Variants in PDGFRL observed in about 807,000 individuals in gnomAD.
The protein encoded by PDGFRL is platelet derived growth factor receptor like.
Under a neutral mutation model 37.2 loss-of-function variants are expected in PDGFRL, and 46 were observed. The ratio of observed to expected loss-of-function variants is 1.24; its 90% CI spans 0.98 to 1.58. The LOEUF is 1.58. PDGFRL is among the 40% of genes most tolerant of loss of function. The pLI, the probability that PDGFRL is intolerant of heterozygous loss-of-function variation, is 0.00. For synonymous variants in PDGFRL, 251 were observed against 184.3 expected (o/e 1.36, Z -2.93); for missense variants, 692 against 467.6 (o/e 1.48, Z -4.43).
At chr8:17,600,043 G>C (rs1488360966) in intron 2 of PDGFRL, among the ~76,000 whole-genome samples, 1 of 152,154 alleles carries the variant, frequency 6.6e-6, no homozygotes, top group Non-Finnish European at 1.5e-5. Flanking sequence ...GCACCCTGCA[G>C]CCATCTTCCT....
chr8:17,629,217 A>G (rs1455290541), intron 4 of PDGFRL, among the ~76,000 whole-genome samples: 10 of 151,348 alleles, frequency 6.6e-5, no homozygotes, highest in Non-Finnish European at 1.5e-4. Context: ...AGTGTGAGCC[A>G]CCATGCTCGG....
intron 1 of PDGFRL, among the ~76,000 whole-genome samples, chr8:17,586,062 A>G (rs1355042156): frequency 6.6e-6 from 1 of 152,046 alleles, no homozygotes; most frequent in Non-Finnish European, 1.5e-5. Flanking sequence ...AACGATTCTC[A>G]TGCCTCAGCC....
In PDGFRL at chr8:17,611,216, A is replaced by C. The variant is rs75634753; in HGVS notation, c.354-9835A>C. Among the ~76,000 whole-genome samples, 1,095 of 152,316 alleles carry C rather than the reference A, an allele frequency of 7.2e-3. 13 individuals are homozygous for C. The highest frequency in any genetic ancestry group is 0.025 in the African/African-American group (1,050 of 41,570). Reference sequence around the variant, plus strand: ...TGAGACATCCAACCAGATGATCTTTAAGGTCCCTCTCAGTTCTGAAAGTAC... The same window carrying C: ...TGAGACATCCAACCAGATGATCTTTCAGGTCCCTCTCAGTTCTGAAAGTAC... On this transcript the variant is annotated intron_variant, in intron 2 of 5. Coordinates refer to ENST00000251630, the MANE Select transcript of PDGFRL (RefSeq NM_001372073.1).
intron 2 of PDGFRL, among the ~76,000 whole-genome samples, chr8:17,616,385 C>A (rs552059298): frequency 9.9e-5 from 15 of 151,962 alleles, no homozygotes; most frequent in Admixed American, 2.0e-4. Flanking sequence ...AATAGAGATG[C>A]GGTTTCACCA....
chr8:17,621,755 C>T (rs1025626279), intron 3 of PDGFRL, among the ~76,000 whole-genome samples: 8 of 152,152 alleles, frequency 5.3e-5, no homozygotes, highest in African/African-American at 1.9e-4. Flanking sequence ...TCACTGTCTT[C>T]TCAGAACCTA....
In PDGFRL at chr8:17,642,626, T is replaced by C. The variant is rs1260725478; in HGVS notation, c.953T>C (p.Val318Ala). ...IFPGQKDERP[V>A]TIQDTWRLIH... ...GTCGTTAAACAGGATGAAAGGCCTG[T>C]GACGATCCAAGACACTTGGAGGTTG... is the stretch of plus-strand genomic sequence containing the variant. The change falls in exon 6 of 6, where the codon GTG becomes GCG. Residue 318 changes from valine to alanine, a missense_variant. Transcript: ENST00000251630. The C allele has an allele frequency of 6.2e-7, 1 of 1,608,326 alleles. No individual in the cohort carries two copies. Among genetic ancestry groups the C allele is most frequent in the Non-Finnish European group, 8.5e-7 (1 of 1,174,850 alleles).
Position 17,612,375 on chromosome 8 carries a change from C to T in PDGFRL, c.354-8676C>T, listed in dbSNP as rs558242616. On this transcript the variant is annotated intron_variant, in intron 2 of 5. Coordinates refer to ENST00000251630, the MANE Select transcript of PDGFRL (RefSeq NM_001372073.1). ...CTTCTTCCTTCTCCTCTCTTCTCCT[C>T]TCTTTTCTTTTTTTGAGACAGTGTC... Among the ~76,000 whole-genome samples the T allele has an allele frequency of 5.9e-4, 89 of 151,914 alleles. 1 individual carries two copies. Among genetic ancestry groups the T allele is most frequent in the African/African-American group, 2.1e-3 (85 of 41,438 alleles).
intron 3 of PDGFRL, among the ~76,000 whole-genome samples, chr8:17,624,126 C>G (rs961212811): frequency 4.6e-5 from 7 of 152,080 alleles, no homozygotes; most frequent in African/African-American, 1.7e-4. Flanking sequence ...GGCAATTTGT[C>G]TTTTCAAGCA....
At chr8:17,599,036 A>C (rs1474017381) in intron 2 of PDGFRL, among the ~76,000 whole-genome samples, 3 of 152,238 alleles carry the variant, frequency 2.0e-5, no homozygotes, top group Non-Finnish European at 4.4e-5. Flanking sequence ...AGACTAATAC[A>C]GAACCTATTG....
rs556096717 is a variant in PDGFRL, at chr8:17,642,760, C to T, written c.1087C>T (p.Gln363Ter). The T allele has an allele frequency of 6.8e-6, 11 of 1,611,400 alleles. No homozygotes were observed. The Admixed American group carries it at 1.8e-4, about 27-fold the overall frequency. Residue 363 changes from glutamine (Q) to a stop codon, truncating the protein, a stop_gained, in exon 6 of 6, where the codon CAA becomes TAA. Coordinates refer to ENST00000251630, the MANE Select transcript of PDGFRL (RefSeq NM_001372073.1). LOFTEE classifies it high-confidence loss of function. ...GYYICTAQNLQGQTTVATTVE... is the reference protein window; with the variant it reads ...GYYICTAQNL ...TTACATTTGCACTGCTCAGAATCTT[C>T]AAGGACAGACCACAGTAGCTACCAC...
chr8:17,638,769 A>C (rs1263215143), intron 5 of PDGFRL, among the ~76,000 whole-genome samples: 1 of 106,008 alleles, frequency 9.4e-6, no homozygotes, highest in Non-Finnish European at 1.8e-5. Context: ...ATATATATAT[A>C]TATATATATA....
In PDGFRL at chr8:17,634,118, A is replaced by G. The variant is rs201904660; in HGVS notation, c.844A>G (p.Lys282Glu). The part of the protein sequence containing the change: ...PSTTILASSN[K>E]VKSGDDISVL... The stretch of plus-strand genomic sequence containing the variant: ...AACAACCATCTTGGCTTCTTCAAAC[A>G]AAGTGAAAAGTGGGGACGACATCAG... The change falls in exon 5 of 6, where the codon AAA becomes GAA. Residue 282 changes from lysine to glutamate, a missense_variant. Transcript: ENST00000251630. 1.5e-5 allele frequency: 25 copies of G among 1,613,850 alleles called. No individual in the cohort carries two copies. Among genetic ancestry groups the G allele is most frequent in the Non-Finnish European group, 2.1e-5 (25 of 1,179,714 alleles).
At chr8:17,631,806 C>G (rs11203873) in intron 4 of PDGFRL, among the ~76,000 whole-genome samples, 93,569 of 152,046 alleles carry the variant, frequency 0.62, 33,217 homozygotes, top group Non-Finnish European at 0.8. Flanking sequence ...TCCCCCACAG[C>G]TTTCTCACTC....
At chr8:17,618,437 A>C (rs1414240005) in intron 2 of PDGFRL, among the ~76,000 whole-genome samples, 1 of 152,196 alleles carries the variant, frequency 6.6e-6, no homozygotes, top group Non-Finnish European at 1.5e-5. Flanking sequence ...AGTAATCTTC[A>C]TGATTACTAC....
Position 17,600,093 on chromosome 8 carries a change from C to T in PDGFRL, c.353+10328C>T, listed in dbSNP as rs148368876. Reference sequence around the variant, plus strand: ...ACACCCAGTTCCCTGGGAGGAGTCTCTGTCCTCATTGTATTCACTTTTTTT... The same window carrying T: ...ACACCCAGTTCCCTGGGAGGAGTCTTTGTCCTCATTGTATTCACTTTTTTT... On this transcript the variant is annotated intron_variant, in intron 2 of 5. Coordinates refer to ENST00000251630, the MANE Select transcript of PDGFRL (RefSeq NM_001372073.1). 4.2e-3 allele frequency among the ~76,000 whole-genome samples: 645 copies of T among 152,284 alleles called. 5 individuals are homozygous for T. The highest frequency in any genetic ancestry group is 0.015 in the African/African-American group (620 of 41,552).
chr8:17,583,006 G>A (rs1376202598), intron 1 of PDGFRL, among the ~76,000 whole-genome samples: 2 of 152,136 alleles, frequency 1.3e-5, no homozygotes, highest in African/African-American at 4.8e-5. Context: ...GGGCGAATAA[G>A]AGCAGAAGAG....
At chr8:17,598,795 C>A (rs1026136578) in intron 2 of PDGFRL, among the ~76,000 whole-genome samples, 3 of 152,114 alleles carry the variant, frequency 2.0e-5, no homozygotes, top group Non-Finnish European at 4.4e-5. Context: ...GCAGTTCCCC[C>A]ATACTGTTCT....
At chr8:17,580,284 C>A (rs151210001) in intron 1 of PDGFRL, among the ~76,000 whole-genome samples, 1 of 152,068 alleles carries the variant, frequency 6.6e-6, no homozygotes, top group East Asian at 1.9e-4. Context: ...GATTCTCTAA[C>A]CAAGAGCCTT....
intron 5 of PDGFRL, among the ~76,000 whole-genome samples, chr8:17,638,788 A>ATATATATATATATATATAT (rs1805033295): frequency 1.4e-5 from 1 of 71,584 alleles, no homozygotes; most frequent in Non-Finnish European, 2.8e-5. Flanking sequence ...TATATATATA[A>ATATATATATATATATATAT]TTGTGATATT....
Sources: allele counts gnomAD v4.1 joint callset (sites outside exome capture counted in the v4.1 genomes callset), GRCh38; gene constraint gnomAD v4.1.1; transcripts MANE v1.5; gene names NCBI Gene and HGNC (gene_info 2026-07-23, HGNC 2026-07-21).